SGPP2: variants seen among roughly 807,000 people sequenced by gnomAD.
SGPP2 encodes sphingosine 1-phosphate phosphohydrolase 2.
In SGPP2, 30 loss-of-function variants were observed where a neutral mutation model predicts 33.9. The ratio of observed to expected loss-of-function variants is 0.89; its 90% CI spans 0.66 to 1.20. The LOEUF is 1.20. Ranked by LOEUF, SGPP2 falls within the 50% of genes most tolerant of loss-of-function variation. The probability of loss-of-function intolerance (pLI) is 0.00; values close to 1 mark genes in which losing one functional copy is unlikely to be tolerated. For synonymous variants in SGPP2, 233 were observed against 225.0 expected (o/e 1.04, Z -0.32); for missense variants, 458 against 532.1 (o/e 0.86, Z 1.37).
intron 1 of SGPP2, among the ~76,000 whole-genome samples, chr2:222,468,006 C>T (rs2106090346): frequency 1.0e-5 from 1 of 97,268 alleles, no homozygotes; most frequent in East Asian, 4.1e-4. Context: ...AGTAATACAA[C>T]CTTGCAATGA....
chr2:222,505,955 G>C (rs1281614440), intron 2 of SGPP2, among the ~76,000 whole-genome samples: 1 of 139,310 alleles, frequency 7.2e-6, no homozygotes, highest in Non-Finnish European at 1.5e-5. Context: ...AAAAAAAAAA[G>C]TAGTTAAAAT....
chr2:222,479,755 C>A (rs544944421), intron 2 of SGPP2, among the ~76,000 whole-genome samples: 1 of 152,040 alleles, frequency 6.6e-6, no homozygotes, highest in African/African-American at 2.4e-5. Context: ...TATTGGAACG[C>A]GAAGCTTGTG....
intron 1 of SGPP2, 133 bp downstream of exon 1, chr2:222,424,954 T>A (rs997138622): frequency 1.4e-6 from 1 of 719,804 alleles, no homozygotes; most frequent in Non-Finnish European, 1.9e-6. Flanking sequence ...CTCCCGCCGC[T>A]GCGAGCGGAC....
chr2:222,424,960 C>A, intron 1 of SGPP2, 139 bp downstream of exon 1: 1 of 684,808 alleles, frequency 1.5e-6, no homozygotes, highest in Non-Finnish European at 2.1e-6. Flanking sequence ...CCGCTGCGAG[C>A]GGACGGGGAG....
chr2:222,457,129 A>G (rs1307495285), intron 1 of SGPP2, among the ~76,000 whole-genome samples: 1 of 151,886 alleles, frequency 6.6e-6, no homozygotes, highest in Non-Finnish European at 1.5e-5. Flanking sequence ...GCCCAGGAGG[A>G]GCCTTAAGCT....
chr2:222,499,297 A>G (rs1194552719), intron 2 of SGPP2, among the ~76,000 whole-genome samples: 1 of 152,216 alleles, frequency 6.6e-6, no homozygotes, highest in Non-Finnish European at 1.5e-5. Context: ...TGATGGTGTG[A>G]TCAACCACCC....
chr2:222,479,557 C>G (rs941118005), intron 2 of SGPP2, among the ~76,000 whole-genome samples: 1 of 151,922 alleles, frequency 6.6e-6, no homozygotes, highest in East Asian at 1.9e-4. Flanking sequence ...CGCCCACCCC[C>G]ACGCCCGGCT....
rs1433373326 is a variant in SGPP2, at chr2:222,424,731, G to C, written c.129G>C (p.Ala43=). Residue 43 remains alanine, a synonymous_variant, in exon 1 of 5, where the codon GCG becomes GCC. Coordinates refer to ENST00000321276, the MANE Select transcript of SGPP2 (RefSeq NM_152386.4). ...GCGCGGACCCCACGGAGCGCGCGGC[G>C]CGGGTCCCCGGGGTCGAGCATCTCC... The part of the protein sequence containing the change: ...ENGADPTERA[A]RVPGVEHLPA... 1.4e-6 allele frequency: 2 copies of C among 1,432,942 alleles called. No individual in the cohort carries two copies. Among genetic ancestry groups the C allele is most frequent in the East Asian group, 3.1e-5 (1 of 32,478 alleles). 88.8% of individuals were successfully genotyped at this position (1,432,942 alleles called of 1,614,324 possible).
chr2:222,437,488 G>A (rs1420502336), intron 1 of SGPP2, among the ~76,000 whole-genome samples: 2 of 152,210 alleles, frequency 1.3e-5, no homozygotes, highest in African/African-American at 4.8e-5. Flanking sequence ...TCCTCTGTCA[G>A]CTGATCATAG....
At chr2:222,540,841 A>G (rs1698985175) in intron 4 of SGPP2, among the ~76,000 whole-genome samples, 5 of 115,484 alleles carry the variant, frequency 4.3e-5, no homozygotes, top group Admixed American at 4.1e-4. Flanking sequence ...TTTTTTGGAG[A>G]CAGAGTCTTG....
rs188227600 is a variant in SGPP2, at chr2:222,508,691, C to T, written c.379-13076C>T. 3.9e-3 allele frequency among the ~76,000 whole-genome samples: 592 copies of T among 152,230 alleles called. 4 individuals carry two copies. Among genetic ancestry groups the T allele is most frequent in the African/African-American group, 0.013 (556 of 41,540 alleles). On this transcript the variant is annotated intron_variant, in intron 2 of 4. Transcript: ENST00000321276. The stretch of plus-strand genomic sequence containing the variant: ...AGAGCTGAGCTTTAAAAAGAGGGAA[C>T]ATTGGAAAGAATGAGAAAATGTTGT...
At chr2:222,432,365 A>G (rs1184920094) in intron 1 of SGPP2, among the ~76,000 whole-genome samples, 1 of 152,218 alleles carries the variant, frequency 6.6e-6, no homozygotes, top group East Asian at 1.9e-4. Flanking sequence ...AAAAAGCACA[A>G]ATGGTTTCTT....
chr2:222,455,438 G>A (rs1314407256), intron 1 of SGPP2, among the ~76,000 whole-genome samples: 3 of 152,120 alleles, frequency 2.0e-5, no homozygotes, highest in Non-Finnish European at 2.9e-5. Flanking sequence ...ACATGCTCGA[G>A]TAAGAGGCAG....
At chr2:222,497,805 G>A (rs1698304268) in intron 2 of SGPP2, among the ~76,000 whole-genome samples, 1 of 152,182 alleles carries the variant, frequency 6.6e-6, no homozygotes, top group African/African-American at 2.4e-5. Flanking sequence ...TACAACTACT[G>A]TTTAGGATGT....
intron 2 of SGPP2, among the ~76,000 whole-genome samples, chr2:222,475,148 G>A (rs1287459157): frequency 6.6e-6 from 1 of 152,072 alleles, no homozygotes; most frequent in East Asian, 1.9e-4. Flanking sequence ...GATCACCTGA[G>A]GTCAGGTGCC....
chr2:222,509,736 C>A (rs1698497792), intron 2 of SGPP2, among the ~76,000 whole-genome samples: 1 of 152,192 alleles, frequency 6.6e-6, no homozygotes, highest in Admixed American at 6.5e-5. Context: ...CTTGATGTCT[C>A]ATTTCTCTTT....
intron 4 of SGPP2, among the ~76,000 whole-genome samples, chr2:222,551,184 T>C (rs1368329939): frequency 6.6e-6 from 1 of 152,146 alleles, no homozygotes; most frequent in African/African-American, 2.4e-5. Flanking sequence ...CTTCTCCCTA[T>C]CCCTCAAATC....
intron 1 of SGPP2, among the ~76,000 whole-genome samples, chr2:222,457,477 G>A (rs72966727): frequency 0.17 from 26,602 of 152,068 alleles, 2,463 homozygotes; most frequent in East Asian, 0.28. Flanking sequence ...CTAAAATTGC[G>A]AGCTTTTAAG....
chr2:222,448,142 A>G (rs1260094921), intron 1 of SGPP2, among the ~76,000 whole-genome samples: 3 of 152,344 alleles, frequency 2.0e-5, no homozygotes, highest in East Asian at 1.9e-4. Flanking sequence ...TTGGGGAAAC[A>G]TTTAGTGTCT....
Sources: gnomAD v4.1 joint callset for allele counts (sites outside exome capture counted in the v4.1 genomes callset) on GRCh38, gnomAD v4.1.1 for gene constraint, MANE v1.5 for transcripts, NCBI Gene and HGNC (gene_info 2026-07-23, HGNC 2026-07-21) for gene names.